Variants in FCHO2 observed in about 807,000 individuals in gnomAD.
FCHO2 encodes the protein FCH and mu domain containing endocytic adaptor 2.
In FCHO2, 43 loss-of-function variants were observed where a neutral mutation model predicts 114.1. The observed-to-expected ratio is 0.38, with a 90% confidence interval of 0.30 to 0.49. The LOEUF is 0.49. FCHO2 is among the 20% of genes least tolerant of loss of function. FCHO2 has a pLI of 0.97. For missense variants in FCHO2, 807 were observed against 950.4 expected, an observed-to-expected ratio of 0.85 and a Z score of 1.98; for synonymous variants, 293 against 315.2, an observed-to-expected ratio of 0.93 and a Z score of 0.75.
chr5:73,071,521 G>A (rs1478018398), intron 19 of FCHO2, among the ~76,000 whole-genome samples: 1 of 151,966 alleles, frequency 6.6e-6, no homozygotes, highest in African/African-American at 2.4e-5. Context: ...CATACCTCAA[G>A]TTTATAAGCT....
intron 8 of FCHO2, among the ~76,000 whole-genome samples, chr5:73,022,070 T>G (rs1481590382): frequency 6.6e-6 from 1 of 152,198 alleles, no homozygotes; most frequent in African/African-American, 2.4e-5. Context: ...TTTTTGATCC[T>G]GGATCACAAA....
chr5:73,037,655 GA>G, intron 10 of FCHO2: 1 of 279,646 alleles, frequency 3.6e-6, no homozygotes, highest in Non-Finnish European at 7.0e-6. Context: ...TACATTGATG[GA>G]AAATGTTAAA....
At chr5:73,028,847 C>T (rs1756082331) in intron 8 of FCHO2, among the ~76,000 whole-genome samples, 1 of 151,992 alleles carries the variant, frequency 6.6e-6, no homozygotes, top group Non-Finnish European at 1.5e-5. Context: ...GACAGGGTTT[C>T]ACCATAGGCC....
intron 17 of FCHO2, among the ~76,000 whole-genome samples, chr5:73,060,458 C>T (rs1178037126): frequency 1.3e-5 from 2 of 152,012 alleles, no homozygotes; most frequent in Admixed American, 1.3e-4. Context: ...AGAACTGGCC[C>T]TAAGTGAAGT....
chr5:73,079,602 A>C (rs1743027559), intron 22 of FCHO2, among the ~76,000 whole-genome samples: 1 of 152,230 alleles, frequency 6.6e-6, no homozygotes, highest in African/African-American at 2.4e-5. Flanking sequence ...AATAAAAGAT[A>C]CCATACCATA....
chr5:73,073,405 G>A (rs1023623302), intron 19 of FCHO2, among the ~76,000 whole-genome samples: 2 of 151,896 alleles, frequency 1.3e-5, no homozygotes, highest in African/African-American at 4.8e-5. Flanking sequence ...GTGTCTTTTT[G>A]TCACTCCAGC....
chr5:73,012,508 A>G (rs1468166477), intron 6 of FCHO2, among the ~76,000 whole-genome samples: 1 of 151,326 alleles, frequency 6.6e-6, no homozygotes, highest in African/African-American at 2.4e-5. Flanking sequence ...AGTCCCAGCT[A>G]CTCGGGAGCC....
chr5:72,960,356 A>G (rs1751790283), intron 1 of FCHO2, among the ~76,000 whole-genome samples: 1 of 152,172 alleles, frequency 6.6e-6, no homozygotes, highest in Admixed American at 6.6e-5. Context: ...TTTGTTATTG[A>G]TAAGTCAGTT....
chr5:73,043,482 A>G (rs1554071960), intron 11 of FCHO2, among the ~76,000 whole-genome samples: 1 of 152,128 alleles, frequency 6.6e-6, no homozygotes, highest in Non-Finnish European at 1.5e-5. Context: ...TAAAGTATAT[A>G]TGTTTGTACA....
chr5:73,077,632 C>A, intron 21 of FCHO2, 139 bp downstream of exon 21: 1 of 915,658 alleles, frequency 1.1e-6, no homozygotes, highest in Non-Finnish European at 1.5e-6. Context: ...TTGTTCAAAA[C>A]CAGCCTGAGC....
At chr5:73,075,711 C>T (rs2112887518) in intron 20 of FCHO2, among the ~76,000 whole-genome samples, 1 of 152,066 alleles carries the variant, frequency 6.6e-6, no homozygotes, top group Middle Eastern at 3.4e-3. Context: ...TTACAGAAGT[C>T]CAGGTGAGAG....
rs908547999 is a variant in FCHO2, at chr5:73,006,377, T to A, written c.496-68T>A. On this transcript the variant is annotated intron_variant, in intron 5 of 25. Coordinates refer to ENST00000430046, the MANE Select transcript of FCHO2 (RefSeq NM_138782.3). ...AATGTATTTTAATTTGTTATTCATA[T>A]TAACTTACATTAGGAAAGAAAAAAG... The A allele has an allele frequency of 4.3e-6, 4 of 934,992 alleles. No homozygotes were observed. The African/African-American group carries it at 6.9e-5, about 16-fold the overall frequency. 57.9% of individuals were successfully genotyped at this position (934,992 alleles called of 1,614,324 possible).
chr5:73,075,913 G>A (rs1387172650), intron 20 of FCHO2, among the ~76,000 whole-genome samples: 2 of 152,056 alleles, frequency 1.3e-5, no homozygotes, highest in African/African-American at 2.4e-5. Context: ...GGTAAGTCTA[G>A]GCTAGAGATA....
chr5:72,968,505 A>G lies in FCHO2; in HGVS notation c.41A>G (p.Lys14Arg). Reference protein sequence around the residue: ...AYFVENFWGEKNSGFDVLYHN... With the variant: ...AYFVENFWGERNSGFDVLYHN... ...AATCTTTTTAAATTTTAGGGGGAAA[A>G]AAATAGTGGCTTTGATGTCCTCTAC... is the stretch of plus-strand genomic sequence containing the variant. The change falls in exon 2 of 26, where the codon AAA becomes AGA. Residue 14 changes from lysine to arginine, a missense_variant. By Grantham distance (26) the Lys-to-Arg change is conservative. Coordinates refer to ENST00000430046, the MANE Select transcript of FCHO2 (RefSeq NM_138782.3). 1 of 1,504,570 alleles carries G rather than the reference A, an allele frequency of 6.6e-7. No individual in the cohort carries two copies. Among genetic ancestry groups the G allele is most frequent in the Non-Finnish European group, 8.8e-7 (1 of 1,135,194 alleles). 93.2% of individuals were successfully genotyped at this position (1,504,570 alleles called of 1,614,324 possible). A position where few individuals can be genotyped will look rare whatever the true frequency, so the allele number is the denominator to read the frequency against.
In FCHO2 at chr5:73,006,691, CA is replaced by C. The variant is rs1226016078; in HGVS notation, c.600+143del. On this transcript the variant is annotated intron_variant, in intron 6 of 25. Transcript: ENST00000430046. The stretch of plus-strand genomic sequence containing the variant: ...TGTTAATGATGCTGTTTTAAAAATA[CA>C]TGTCGCGTTTTGGAGATTGAGGACC... 5.0e-5 allele frequency: 29 copies of C among 575,534 alleles called. No homozygotes were observed. The African/African-American group carries it at 5.5e-4, about 11-fold the overall frequency. 35.7% of individuals were successfully genotyped at this position (575,534 alleles called of 1,614,324 possible). A position where few individuals can be genotyped will look rare whatever the true frequency, so the allele number is the denominator to read the frequency against.
intron 8 of FCHO2, among the ~76,000 whole-genome samples, chr5:73,017,989 C>T (rs977890879): frequency 2.6e-5 from 4 of 152,122 alleles, no homozygotes; most frequent in Admixed American, 2.6e-4. Flanking sequence ...ACTTACAGTC[C>T]TCCAGATTTC....
chr5:73,076,334 A>C (rs931822102), intron 20 of FCHO2, among the ~76,000 whole-genome samples: 1 of 152,202 alleles, frequency 6.6e-6, no homozygotes, highest in Non-Finnish European at 1.5e-5. Flanking sequence ...GAACAAATGC[A>C]GTTATTTCAG....
chr5:73,044,696 CT>C (rs1015712843), intron 11 of FCHO2, among the ~76,000 whole-genome samples: 2 of 148,806 alleles, frequency 1.3e-5, no homozygotes, highest in Non-Finnish European at 1.5e-5. Flanking sequence ...CTTTTTCTTT[CT>C]TTTTTTTTGG....
intron 6 of FCHO2, 136 bp from the exon 7 acceptor site, chr5:73,015,490 T>G: frequency 2.2e-6 from 1 of 460,530 alleles, no homozygotes; most frequent in Non-Finnish European, 3.9e-6. Context: ...CTTGAACTTC[T>G]GACCTCAAGT....
Sources: gnomAD v4.1 joint callset for allele counts (sites outside exome capture counted in the v4.1 genomes callset) on GRCh38, gnomAD v4.1.1 for gene constraint, MANE v1.5 for transcripts, NCBI Gene and HGNC (gene_info 2026-07-23, HGNC 2026-07-21) for gene names.